LUC7L: variants seen among roughly 807,000 people sequenced by gnomAD.
LUC7L encodes the protein LUC7 like.
LUC7L carries 29 observed loss-of-function variants against 51.1 expected under a neutral mutation model. The observed-to-expected ratio is 0.57, with a 90% confidence interval of 0.42 to 0.77. LUC7L has a LOEUF of 0.77. Ranked by LOEUF, LUC7L falls within the 30% of genes least tolerant of loss-of-function variation. The pLI, the probability that LUC7L is intolerant of heterozygous loss-of-function variation, is 0.00. For missense variants in LUC7L, 403 were observed against 511.9 expected (o/e 0.79, Z 2.05); for synonymous variants, 181 against 180.7 (o/e 1.00, Z -0.01).
chr16:202,066 G>A (rs895416314), intron 5 of LUC7L, among the ~76,000 whole-genome samples: 108 of 151,984 alleles, frequency 7.1e-4, no homozygotes, highest in African/African-American at 2.3e-3. Context: ...TCTTTGTAAA[G>A]ATGGGGTATC....
intron 6 of LUC7L, among the ~76,000 whole-genome samples, chr16:193,230 C>G (rs1399317781): frequency 1.0e-3 from 157 of 151,842 alleles, no homozygotes; most frequent in African/African-American, 3.6e-3. Context: ...CTCACTGCAA[C>G]TTCCACCTCG....
intron 6 of LUC7L, among the ~76,000 whole-genome samples, 159 bp from the exon 7 acceptor site, chr16:193,174 C>T (rs917027413): frequency 6.6e-6 from 1 of 151,860 alleles, no homozygotes; most frequent in African/African-American, 2.4e-5. Context: ...CTCTTTGAAA[C>T]GGTGTCTCAC....
At chr16:194,480 C>A (rs753915665) in intron 6 of LUC7L, among the ~76,000 whole-genome samples, 1 of 152,162 alleles carries the variant, frequency 6.6e-6, no homozygotes, top group Non-Finnish European at 1.5e-5. Context: ...GGGAATTGAT[C>A]ACATTGTTTC....
Position 211,738 on chromosome 16 carries a change from G to A in LUC7L, c.256-3550C>T, listed in dbSNP as rs115053823. Among the ~76,000 whole-genome samples the A allele has an allele frequency of 6.0e-3, 917 of 152,292 alleles. 11 individuals are homozygous for A. Among genetic ancestry groups the A allele is most frequent in the African/African-American group, 0.021 (875 of 41,560 alleles). ...TGAAACATAAACCCTAAAAGCCCCT[G>A]AGCACAGACAGCACCAGCACAAAGA... On this transcript the variant is annotated intron_variant, in intron 3 of 9. Coordinates refer to ENST00000293872, the MANE Select transcript of LUC7L (RefSeq NM_201412.3).
chr16:211,303 A>C (rs2049632960), intron 3 of LUC7L, among the ~76,000 whole-genome samples: 1 of 152,146 alleles, frequency 6.6e-6, no homozygotes, highest in Non-Finnish European at 1.5e-5. Flanking sequence ...TAAAAGAACT[A>C]TCATATGCTA....
At chr16:201,076 T>C (rs1346331234) in intron 5 of LUC7L, among the ~76,000 whole-genome samples, 4 of 147,264 alleles carry the variant, frequency 2.7e-5, no homozygotes, top group Non-Finnish European at 5.9e-5. Context: ...AGGCTGAGTC[T>C]GAGAATTACT....
chr16:213,905 G>A (rs2049714483), intron 3 of LUC7L, among the ~76,000 whole-genome samples: 1 of 151,756 alleles, frequency 6.6e-6, no homozygotes. Flanking sequence ...TAGTAGAGAT[G>A]GGGTCTCACT....
At chr16:226,981 G>GT (rs2050148027) in intron 2 of LUC7L, among the ~76,000 whole-genome samples, 1 of 152,170 alleles carries the variant, frequency 6.6e-6, no homozygotes, top group South Asian at 2.1e-4. Context: ...GGCTGAGGTG[G>GT]TAGGATTGCT....
Position 189,983 on chromosome 16 carries a change from C to A in LUC7L, c.959G>T (p.Arg320Leu), listed in dbSNP as rs780398781. 5 of 1,612,454 alleles carry A rather than the reference C, an allele frequency of 3.1e-6. No homozygotes were observed. Among genetic ancestry groups the A allele is most frequent in the Middle Eastern group, 1.6e-4 (1 of 6,072 alleles). ...SRGHRRASRD[R>L]SAKYKFSRER... ...GAGTAGTTACTTGTATTTCGCACTT[C>A]GGTCCCGGGAAGCCCGACGATGTCC... is the stretch of plus-strand genomic sequence containing the variant. Residue 320 changes from arginine to leucine, a missense_variant, in exon 9 of 10, where the codon CGA (arginine) becomes CTA (leucine). This residue lies in a region of LUC7L where 206 missense variants were observed against 218.3 expected (regional missense o/e 0.94). Coordinates refer to ENST00000293872, the MANE Select transcript of LUC7L (RefSeq NM_201412.3).
At chr16:219,383 G>C (rs1437873981) in intron 3 of LUC7L, among the ~76,000 whole-genome samples, 1 of 152,026 alleles carries the variant, frequency 6.6e-6, no homozygotes, top group East Asian at 1.9e-4. Context: ...GCAAGACTCT[G>C]TCTCAAAATA....
intron 3 of LUC7L, among the ~76,000 whole-genome samples, chr16:219,448 G>C (rs186758768): frequency 4.6e-4 from 70 of 152,152 alleles, no homozygotes; most frequent in African/African-American, 1.6e-3. Context: ...AGACATGGTC[G>C]TGTGCATCTG....
chr16:194,031 C>G (rs566583151), intron 6 of LUC7L, among the ~76,000 whole-genome samples: 64 of 152,034 alleles, frequency 4.2e-4, no homozygotes, highest in African/African-American at 1.5e-3. Flanking sequence ...TCTCGATCTC[C>G]TGACCTCACG....
intron 3 of LUC7L, among the ~76,000 whole-genome samples, chr16:213,827 G>A (rs1301642441): frequency 6.6e-6 from 1 of 152,078 alleles, no homozygotes; most frequent in African/African-American, 2.4e-5. Flanking sequence ...CGATTTTCCT[G>A]CCTCACCCTC....
At chr16:219,784 G>A (rs1233206296) in intron 3 of LUC7L, among the ~76,000 whole-genome samples, 2 of 151,848 alleles carry the variant, frequency 1.3e-5, no homozygotes, top group Non-Finnish European at 2.9e-5. Context: ...AGGCAGAATT[G>A]CTTGAACCTG....
At chr16:205,283 G>C (rs1261075683) in intron 5 of LUC7L, among the ~76,000 whole-genome samples, 7 of 152,168 alleles carry the variant, frequency 4.6e-5, no homozygotes, top group Non-Finnish European at 7.3e-5. Context: ...CCGAACAGCT[G>C]AGACTAAAGC....
At chr16:222,618 A>T (rs1464743972) in intron 2 of LUC7L, among the ~76,000 whole-genome samples, 1 of 151,462 alleles carries the variant, frequency 6.6e-6, no homozygotes, top group Non-Finnish European at 1.5e-5. Context: ...CAGTCTGAGC[A>T]ACAGAGACCC....
intron 2 of LUC7L, among the ~76,000 whole-genome samples, chr16:224,940 T>C (rs1368058350): frequency 6.6e-6 from 1 of 152,186 alleles, no homozygotes; most frequent in East Asian, 1.9e-4. Context: ...GGTTCTATGA[T>C]TACCCTCTTT....
intron 4 of LUC7L, among the ~76,000 whole-genome samples, chr16:206,890 TAAAAAAAA>T (rs67775388): frequency 5.0e-5 from 5 of 99,566 alleles, no homozygotes; most frequent in Non-Finnish European, 9.6e-5. Flanking sequence ...CCATCTTTAT[TAAAAAAAA>T]AAAAAAAAAA....
intron 8 of LUC7L, 118 bp from the exon 9 acceptor site, chr16:190,253 A>AG: frequency 1.1e-6 from 1 of 927,158 alleles, no homozygotes; most frequent in Non-Finnish European, 1.6e-6. Flanking sequence ...ACTCCCACAA[A>AG]TTTAGGTTTA....
Sources: allele counts gnomAD v4.1 joint callset (sites outside exome capture counted in the v4.1 genomes callset), GRCh38; gene constraint gnomAD v4.1.1; regional missense constraint gnomAD v4.1.1; transcripts MANE v1.5; gene names NCBI Gene and HGNC (gene_info 2026-07-23, HGNC 2026-07-21).